MMP26: variants seen among roughly 807,000 people sequenced by gnomAD.
MMP26 encodes matrix metallopeptidase 26, also known as matrix metalloproteinase-26.
Under a neutral mutation model 31.0 loss-of-function variants are expected in MMP26, and 33 were observed. The observed-to-expected ratio is 1.06, with a 90% CI of 0.81 to 1.42. MMP26 has a LOEUF of 1.42. Among genes scored for constraint, MMP26 ranks in the 40% most tolerant of loss-of-function variants. The probability of loss-of-function intolerance (pLI) is 0.00; values close to 1 mark genes in which losing one functional copy is unlikely to be tolerated. For synonymous variants in MMP26, 122 were observed against 114.9 expected, an observed-to-expected ratio of 1.06 and a Z score of -0.40; for missense variants, 347 against 316.1, an observed-to-expected ratio of 1.10 and a Z score of -0.74.
chr11:4,731,080 G>A lies in MMP26; in HGVS notation c.-217+26035G>A, dbSNP rs548742292. Among the ~76,000 whole-genome samples, 14 of 152,206 alleles carry A rather than the reference G, an allele frequency of 9.2e-5. No homozygotes were observed. The East Asian group carries it at 2.5e-3, about 27-fold the overall frequency. ...CTGCCTCAGCCTCTCGAGTAGCTGG[G>A]ATTACAGGCGTGCACCACCACTCCA... is the stretch of plus-strand genomic sequence containing the variant. On this transcript the variant is annotated intron_variant, in intron 1 of 7. Coordinates refer to ENST00000380390, the MANE Select transcript of MMP26 (RefSeq NM_021801.5).
chr11:4,720,653 C>T (rs1384641643), intron 1 of MMP26, among the ~76,000 whole-genome samples: 14 of 152,154 alleles, frequency 9.2e-5, no homozygotes, highest in Non-Finnish European at 4.4e-5. Flanking sequence ...TTATTAAAAA[C>T]TATGATTTTG....
intron 2 of MMP26, among the ~76,000 whole-genome samples, chr11:4,870,407 A>G (rs1056962456): frequency 6.6e-6 from 1 of 152,182 alleles, no homozygotes; most frequent in Non-Finnish European, 1.5e-5. Context: ...TTCATAAAGG[A>G]TAAAAGAAAA....
chr11:4,842,265 A>T (rs1849806895), intron 2 of MMP26, among the ~76,000 whole-genome samples: 1 of 152,158 alleles, frequency 6.6e-6, no homozygotes, highest in Non-Finnish European at 1.5e-5. Context: ...TTAAGTTGTT[A>T]TTAGGTTAAA....
chr11:4,778,388 A>C (rs941624115), intron 2 of MMP26, among the ~76,000 whole-genome samples: 1 of 152,068 alleles, frequency 6.6e-6, no homozygotes, highest in African/African-American at 2.4e-5. Flanking sequence ...CGTTATTAAA[A>C]TAAACATTCT....
chr11:4,860,843 TTTTGATATCTCC>T (rs979644850), intron 2 of MMP26, among the ~76,000 whole-genome samples: 4 of 152,036 alleles, frequency 2.6e-5, no homozygotes, highest in African/African-American at 9.7e-5. Flanking sequence ...CAGTAAAAAA[TTTTGATATCTCC>T]TTTGATATCT....
chr11:4,973,139 A>G (rs187262411), intron 2 of MMP26: 73 of 207,878 alleles, frequency 3.5e-4, no homozygotes, highest in African/African-American at 1.5e-3. Flanking sequence ...GAAGATGAGC[A>G]CAGCACAGAT....
chr11:4,721,128 C>G (rs1848005765), intron 1 of MMP26, among the ~76,000 whole-genome samples: 1 of 152,144 alleles, frequency 6.6e-6, no homozygotes. Flanking sequence ...TGAGTTGCAG[C>G]CTTCTTATCA....
Position 4,954,030 on chromosome 11 carries a change from G to C in MMP26, c.-144-34038G>C, listed in dbSNP as rs1156356558. On this transcript the variant is annotated intron_variant, in intron 2 of 7. Transcript: ENST00000380390. ...GATTGTGCTACTGCACCCCAGCTTG[G>C]GCTACAGAGCAAGATTTCGTCTCAA... 1.0e-4 allele frequency among the ~76,000 whole-genome samples: 13 copies of C among 125,242 alleles called. 4 individuals carry two copies. Among genetic ancestry groups the C allele is most frequent in the Non-Finnish European group, 1.1e-4 (6 of 55,486 alleles). The allele number at this position is 125,242 out of a possible 152,430, so 82.2% of individuals were successfully genotyped here.
chr11:4,992,340 T>G lies in MMP26; in HGVS notation c.*98T>G. 1 of 1,241,428 alleles carries G rather than the reference T, an allele frequency of 8.1e-7. No homozygotes were observed. The highest frequency in any genetic ancestry group is 1.1e-6 in the Non-Finnish European group (1 of 884,528). The allele number at this position is 1,241,428 out of a possible 1,614,324, so 76.9% of individuals were successfully genotyped here. On this transcript the variant is annotated 3_prime_UTR_variant, in exon 8 of 8. Transcript: ENST00000380390. ...AGAGCAGCCTTGGGGACTGCTAGGA[T>G]GAAGCCCTAAAGAATGCAACCTAGT...
intron 2 of MMP26, among the ~76,000 whole-genome samples, chr11:4,920,280 A>C (rs1328965352): frequency 6.6e-6 from 1 of 152,140 alleles, no homozygotes; most frequent in Non-Finnish European, 1.5e-5. Context: ...TTCTTAATGT[A>C]AGTACCTAGT....
chr11:4,984,664 G>A (rs1846861022), intron 2 of MMP26, among the ~76,000 whole-genome samples: 1 of 151,686 alleles, frequency 6.6e-6, no homozygotes, highest in Non-Finnish European at 1.5e-5. Flanking sequence ...AAAATATGAG[G>A]GCTTCTTTAT....
At chr11:4,984,945 G>A (rs984341103) in intron 2 of MMP26, among the ~76,000 whole-genome samples, 6 of 152,146 alleles carry the variant, frequency 3.9e-5, no homozygotes, top group Non-Finnish European at 7.3e-5. Flanking sequence ...GAAAGTGTGA[G>A]AGACTTAGAG....
At chr11:4,834,270 GA>G (rs1381265231) in intron 2 of MMP26, among the ~76,000 whole-genome samples, 1 of 152,108 alleles carries the variant, frequency 6.6e-6, no homozygotes, top group Non-Finnish European at 1.5e-5. Context: ...TACTGTTCAT[GA>G]GTAATGATAG....
chr11:4,890,655 T>G (rs903638963), intron 2 of MMP26: 1 of 152,140 alleles, frequency 6.6e-6, no homozygotes, highest in African/African-American at 2.4e-5. Flanking sequence ...GGATCTCCTG[T>G]GTTCATTTCC....
chr11:4,712,041 T>C (rs1847869359), intron 1 of MMP26: 1 of 152,186 alleles, frequency 6.6e-6, no homozygotes, highest in South Asian at 2.1e-4. Context: ...TTTTTGAAAA[T>C]GGGCATTGGA....
chr11:4,963,407 A>G (rs929612873), intron 2 of MMP26, among the ~76,000 whole-genome samples: 5 of 152,216 alleles, frequency 3.3e-5, no homozygotes, highest in African/African-American at 1.2e-4. Context: ...ATGGAACCAA[A>G]TAAGAGCCCA....
chr11:4,907,963 T>C, intron 2 of MMP26: 1 of 1,614,144 alleles, frequency 6.2e-7, no homozygotes, highest in Non-Finnish European at 8.5e-7. Flanking sequence ...ATGTCATCTA[T>C]GGCTTCTTCA....
Position 4,954,455 on chromosome 11 carries a change from G to A in MMP26, c.-144-33613G>A, listed in dbSNP as rs1326871920. On this transcript the variant is annotated intron_variant, in intron 2 of 7. Coordinates refer to ENST00000380390, the MANE Select transcript of MMP26 (RefSeq NM_021801.5). The stretch of plus-strand genomic sequence containing the variant: ...AGAACCTGGTATAGAGAGACTGAAT[G>A]TAGATAACGAGGAATCCAACTTCTG... Among the ~76,000 whole-genome samples, 3 of 122,738 alleles carry A rather than the reference G, an allele frequency of 2.4e-5. 1 individual carries two copies. Among genetic ancestry groups the A allele is most frequent in the Non-Finnish European group, 5.5e-5 (3 of 54,184 alleles). 80.5% of individuals were successfully genotyped at this position (122,738 alleles called of 152,430 possible). A position where few individuals can be genotyped will look rare whatever the true frequency, so the allele number is the denominator to read the frequency against.
intron 2 of MMP26, among the ~76,000 whole-genome samples, chr11:4,977,895 T>C (rs757231438): frequency 9.9e-5 from 15 of 152,026 alleles, no homozygotes; most frequent in Non-Finnish European, 1.8e-4. Flanking sequence ...TGCATTGATA[T>C]GGTAGGCTTT....
Sources: allele counts gnomAD v4.1 joint callset (sites outside exome capture counted in the v4.1 genomes callset), GRCh38; gene constraint gnomAD v4.1.1; transcripts MANE v1.5; gene names NCBI Gene and HGNC (gene_info 2026-07-23, HGNC 2026-07-21).